ATP10A: variants seen among roughly 807,000 people sequenced by gnomAD.
The protein encoded by ATP10A is ATPase phospholipid transporting 10A (putative), also known as phospholipid-transporting ATPase VA.
ATP10A carries 111 observed loss-of-function variants against 147.8 expected under a neutral mutation model. That is an observed-to-expected ratio of 0.75 (90% CI 0.64 to 0.88). The LOEUF (loss-of-function observed/expected upper bound fraction) is 0.88, where lower values mean the gene tolerates loss of function less well. Among genes scored for constraint, ATP10A ranks in the 40% least tolerant of loss-of-function variants. The pLI is 0.00. For synonymous variants in ATP10A, 875 were observed against 841.6 expected (o/e 1.04, Z -0.69); for missense variants, 1,927 against 1,959.0 (o/e 0.98, Z 0.31).
At chr15:25,774,264 T>C (rs145235312) in intron 2 of ATP10A, among the ~76,000 whole-genome samples, 17 of 152,298 alleles carry the variant, frequency 1.1e-4, no homozygotes, top group African/African-American at 4.1e-4. Flanking sequence ...ATCAACTTCA[T>C]GGCATTAATT....
chr15:25,859,027 GGTTTCCCC>G (rs1893639545), intron 1 of ATP10A, among the ~76,000 whole-genome samples: 1 of 152,190 alleles, frequency 6.6e-6, no homozygotes, highest in East Asian at 1.9e-4. Flanking sequence ...GCTGATTTAA[GGTTTCCCC>G]CCTCACCCCT....
downstream of ATP10A, among the ~76,000 whole-genome samples, chr15:25,674,013 G>A (rs1322358872): frequency 2.0e-5 from 3 of 152,224 alleles, no homozygotes; most frequent in Non-Finnish European, 4.4e-5. Flanking sequence ...TGGGAGACAA[G>A]GAGGTTGCGT....
chr15:25,742,062 A>G (rs1887608129), intron 2 of ATP10A, among the ~76,000 whole-genome samples: 1 of 152,250 alleles, frequency 6.6e-6, no homozygotes, highest in Admixed American at 6.5e-5. Context: ...CTGTGATTGT[A>G]TTATTTAAGG....
At chr15:25,798,760 G>A (rs568261734) in intron 1 of ATP10A, among the ~76,000 whole-genome samples, 3 of 152,308 alleles carry the variant, frequency 2.0e-5, no homozygotes, top group East Asian at 3.9e-4. Flanking sequence ...AGAACAAACT[G>A]CAGACCGTGG....
At chr15:25,858,043 C>T (rs893920402) in intron 1 of ATP10A, among the ~76,000 whole-genome samples, 3 of 152,182 alleles carry the variant, frequency 2.0e-5, no homozygotes, top group African/African-American at 7.2e-5. Context: ...AAGAAACGTT[C>T]TTTTTCCACT....
Position 25,755,254 on chromosome 15 carries a change from A to G in ATP10A, c.655-19113T>C, listed in dbSNP as rs913298345. Among the ~76,000 whole-genome samples the G allele has an allele frequency of 3.9e-5, 6 of 152,322 alleles. No individual in the cohort carries two copies. In the South Asian group the frequency reaches 6.2e-4, roughly 16 times the overall value. ...CTTCGAAAGTTTTCTAAAGAATTCAAGGTCTTAATTGTAACATATGACCTC... is the reference window on the plus strand; with the variant it reads ...CTTCGAAAGTTTTCTAAAGAATTCAGGGTCTTAATTGTAACATATGACCTC... On this transcript the variant is annotated intron_variant, in intron 2 of 20. Transcript: ENST00000555815.
At chr15:25,716,971 G>A (rs368795710) in intron 8 of ATP10A, 47 bp from the exon 9 acceptor site, 31 of 1,452,290 alleles carry the variant, frequency 2.1e-5, no homozygotes, top group Middle Eastern at 1.9e-4. Context: ...GTAGCCTGCC[G>A]AGGATCTTGG....
In ATP10A at chr15:25,680,809, C is replaced by A; in HGVS notation, c.3678+1G>T. 1 of 1,612,588 alleles carries A rather than the reference C, an allele frequency of 6.2e-7. No homozygotes were observed. Among genetic ancestry groups the A allele is most frequent in the Non-Finnish European group, 8.5e-7 (1 of 1,179,586 alleles). On this transcript the variant is annotated splice_donor_variant, in intron 19 of 20. Coordinates refer to ENST00000555815, the MANE Select transcript of ATP10A (RefSeq NM_024490.4). LOFTEE classifies it high-confidence loss of function. Reference sequence around the variant, plus strand: ...GACGTGGCCATGCAGGCGGCTCTTACCCAGGTTTTGGTTTCAATGCCCAGG... The same window carrying A: ...GACGTGGCCATGCAGGCGGCTCTTAACCAGGTTTTGGTTTCAATGCCCAGG...
intron 2 of ATP10A, among the ~76,000 whole-genome samples, chr15:25,761,064 A>G (rs943655902): frequency 2.6e-5 from 4 of 152,254 alleles, no homozygotes; most frequent in African/African-American, 9.6e-5. Flanking sequence ...TAGTTGAGCT[A>G]TACTATATAT....
chr15:25,762,947 G>A (rs1888836499), intron 2 of ATP10A, among the ~76,000 whole-genome samples: 1 of 151,994 alleles, frequency 6.6e-6, no homozygotes, highest in Admixed American at 6.6e-5. Flanking sequence ...AAAACGAAAG[G>A]GCAGCTAAAG....
intron 1 of ATP10A, among the ~76,000 whole-genome samples, chr15:25,810,127 C>T (rs1891364889): frequency 6.6e-6 from 1 of 152,204 alleles, no homozygotes; most frequent in South Asian, 2.1e-4. Context: ...CCTGATCACT[C>T]CCAGTGACCC....
At chr15:25,723,365 GA>G (rs11310812) in intron 6 of ATP10A, among the ~76,000 whole-genome samples, 129,420 of 149,628 alleles carry the variant, frequency 0.86, 56,749 homozygotes, top group East Asian at 0.98. Flanking sequence ...AAGAAAAAGA[GA>G]AAAAAAAAAC....
upstream of ATP10A, among the ~76,000 whole-genome samples, chr15:25,863,394 G>T (rs1031567483): frequency 1.3e-5 from 2 of 151,858 alleles, no homozygotes; most frequent in Admixed American, 6.6e-5. Flanking sequence ...TTTCCGCCGC[G>T]GTGGCCACGG....
intron 2 of ATP10A, among the ~76,000 whole-genome samples, chr15:25,745,831 T>G (rs1373597803): frequency 6.6e-6 from 1 of 152,200 alleles, no homozygotes; most frequent in Non-Finnish European, 1.5e-5. Context: ...TTAATACTGA[T>G]AGTCAAAGAT....
At chr15:25,839,795 C>T (rs1892734969) in intron 1 of ATP10A, among the ~76,000 whole-genome samples, 1 of 152,204 alleles carries the variant, frequency 6.6e-6, no homozygotes, top group African/African-American at 2.4e-5. Flanking sequence ...AGGTCCCATG[C>T]ACCCTTCACC....
At chr15:25,744,494 T>C (rs544330056) in intron 2 of ATP10A, among the ~76,000 whole-genome samples, 23 of 152,170 alleles carry the variant, frequency 1.5e-4, no homozygotes, top group Non-Finnish European at 3.1e-4. Context: ...TAAAGCATCA[T>C]GGAAGAACCA....
At chr15:25,826,561 CAAA>C (rs1366717388) in intron 1 of ATP10A, among the ~76,000 whole-genome samples, 1 of 152,130 alleles carries the variant, frequency 6.6e-6, no homozygotes, top group Non-Finnish European at 1.5e-5. Flanking sequence ...GACTTTGTCT[CAAA>C]AAGTGGAATC....
At position 25,862,936 on chromosome 15, in the gene ATP10A, C is replaced by T. The variant is rs759111229; in HGVS notation, c.161G>A (p.Gly54Glu). Reference sequence around the variant, plus strand: ...GTTGTCGGCCAGGTGCTGGGCACACCCGCGCCGCCGTCGCCGCTCGCCCTT... The same window carrying T: ...GTTGTCGGCCAGGTGCTGGGCACACTCGCGCCGCCGTCGCCGCTCGCCCTT... ...AAKGERRRRR[G>E]CAQHLADNRL... is the part of the protein sequence containing the mutation. Residue 54 changes from glycine (G) to glutamate (E), a missense_variant, in exon 1 of 21, where the codon GGG (glycine) becomes GAG (glutamate). Physicochemically the swap from Gly to Glu is moderately conservative, Grantham distance 98 (BLOSUM62 -2). Transcript: ENST00000555815. 1.9e-6 allele frequency: 3 copies of T among 1,581,544 alleles called. No individual in the cohort carries two copies. The highest frequency in any genetic ancestry group is 1.4e-5 in the African/African-American group (1 of 72,326).
intron 1 of ATP10A, among the ~76,000 whole-genome samples, chr15:25,822,689 A>G (rs907110439): frequency 1.3e-5 from 2 of 152,136 alleles, no homozygotes; most frequent in Non-Finnish European, 2.9e-5. Context: ...TCTCTCTCAC[A>G]CACATACAGA....
Sources: gnomAD v4.1 joint callset for allele counts (sites outside exome capture counted in the v4.1 genomes callset) on GRCh38, gnomAD v4.1.1 for gene constraint, MANE v1.5 for transcripts, NCBI Gene and HGNC (gene_info 2026-07-23, HGNC 2026-07-21) for gene names.